The following PLXNC1 variants were observed in gnomAD, a reference collection of about 807,000 sequenced individuals.
The protein encoded by PLXNC1 is plexin-C1.
PLXNC1 carries 75 observed loss-of-function variants against 178.2 expected under a neutral mutation model. The observed-to-expected ratio is 0.42, with a 90% CI of 0.35 to 0.51. The LOEUF (loss-of-function observed/expected upper bound fraction) is 0.51. Ranked by LOEUF, PLXNC1 falls within the 20% of genes least tolerant of loss-of-function variation. The probability of loss-of-function intolerance (pLI) is 0.02; values close to 1 mark genes in which losing one functional copy is unlikely to be tolerated. For missense variants in PLXNC1, 1,503 were observed against 1,984.4 expected (o/e 0.76, Z 4.61); for synonymous variants, 790 against 779.9 (o/e 1.01, Z -0.22).
At chr12:94,266,953 G>A (rs1351917809) in intron 21 of PLXNC1, among the ~76,000 whole-genome samples, 1 of 152,202 alleles carries the variant, frequency 6.6e-6, no homozygotes, top group African/African-American at 2.4e-5. Context: ...GAGCCCAGGC[G>A]TGGATGTATT....
intron 1 of PLXNC1, among the ~76,000 whole-genome samples, chr12:94,167,753 G>T (rs948172220): frequency 2.6e-5 from 4 of 152,120 alleles, no homozygotes; most frequent in African/African-American, 4.8e-5. Flanking sequence ...AAGGGAAAAA[G>T]AAACTCTAAT....
At chr12:94,274,551 TGCCAAGGAAATAGGAAGAGGCAGG>T (rs879870668) in intron 21 of PLXNC1, among the ~76,000 whole-genome samples, 9 of 152,194 alleles carry the variant, frequency 5.9e-5, no homozygotes, top group Admixed American at 5.9e-4. Context: ...GACACTTTCC[TGCCAAGGAAATAGGAAGAGGCAGG>T]GCAGTCCCTC....
At chr12:94,169,323 T>C in intron 2 of PLXNC1, 30 bp downstream of exon 2, 3 of 1,593,744 alleles carry the variant, frequency 1.9e-6, no homozygotes, top group Non-Finnish European at 1.7e-6. Flanking sequence ...TTCAAATGTC[T>C]ATTTTAATGG....
intron 21 of PLXNC1, among the ~76,000 whole-genome samples, chr12:94,267,941 T>C (rs1255989230): frequency 6.6e-6 from 1 of 152,114 alleles, no homozygotes; most frequent in East Asian, 1.9e-4. Context: ...GTGGTTTATG[T>C]AATTGAAAAC....
rs138337903 is a variant in PLXNC1 at position 94,260,772 on chromosome 12, C to T, written c.3382C>T (p.Arg1128Cys). ...CATGCAGCCGAAACTCATGCTGAGA[C>T]GCACGGAGTCCGTCGTCGAAAAACT... is the stretch of plus-strand genomic sequence containing the variant. Reference protein sequence around the residue: ...SNMQPKLMLRRTESVVEKLLT... With the variant: ...SNMQPKLMLRCTESVVEKLLT... The change falls in exon 20 of 31, where the codon CGC becomes TGC. Residue 1128 changes from arginine to cysteine, a missense_variant. By Grantham distance (180) the Arg-to-Cys change is radical (BLOSUM62 -3). Transcript: ENST00000258526. The surrounding 1 kb of genome is among the most constrained non-coding windows in gnomAD (Gnocchi z 4.4). The T allele has an allele frequency of 1.2e-5, 20 of 1,614,160 alleles. No individual in the cohort carries two copies. The highest frequency in any genetic ancestry group is 4.4e-5 in the South Asian group (4 of 91,072).
At chr12:94,291,196 A>T (rs1967285463) in intron 23 of PLXNC1, among the ~76,000 whole-genome samples, 1 of 152,216 alleles carries the variant, frequency 6.6e-6, no homozygotes. Flanking sequence ...GCCTTTGTCA[A>T]ATGTATACAT....
At chr12:94,286,698 T>C (rs1395424918) in intron 23 of PLXNC1, among the ~76,000 whole-genome samples, 1 of 148,870 alleles carries the variant, frequency 6.7e-6, no homozygotes, top group Non-Finnish European at 1.5e-5. Flanking sequence ...CTCACCTCCC[T>C]CCAATTAGTC....
intron 14 of PLXNC1, among the ~76,000 whole-genome samples, 172 bp from the exon 15 acceptor site, chr12:94,251,254 G>T (rs758048296): frequency 3.7e-4 from 56 of 152,156 alleles, no homozygotes; most frequent in Non-Finnish European, 5.1e-4. Flanking sequence ...GAATATTCTG[G>T]ATTTGCCCAA....
In PLXNC1 at chr12:94,185,096, A is replaced by G. The variant is rs181751570; in HGVS notation, c.1339-1277A>G. On this transcript the variant is annotated intron_variant, in intron 3 of 30. Transcript: ENST00000258526. The stretch of plus-strand genomic sequence containing the variant: ...GAGGAAACAAGGTTAGAGAGATTGC[A>G]TGACACTTATTAAAATCCATCAGTG... Among the ~76,000 whole-genome samples the G allele has an allele frequency of 4.9e-3, 749 of 152,382 alleles. 5 individuals carry two copies. Among genetic ancestry groups the G allele is most frequent in the Non-Finnish European group, 7.3e-3 (495 of 68,028 alleles).
At chr12:94,191,958 C>A (rs1349632528) in intron 4 of PLXNC1, among the ~76,000 whole-genome samples, 1 of 152,076 alleles carries the variant, frequency 6.6e-6, no homozygotes, top group African/African-American at 2.4e-5. Flanking sequence ...TTCTCAGTTT[C>A]TCCCATATTG....
intron 1 of PLXNC1, chr12:94,168,260 G>A (rs1007513633): frequency 3.9e-5 from 6 of 152,174 alleles, no homozygotes; most frequent in Admixed American, 2.6e-4. Flanking sequence ...AGACGGCAAC[G>A]GCTCTTCCTA....
At chr12:94,264,931 G>A (rs952062622) in intron 20 of PLXNC1, 148 bp from the exon 21 acceptor site, 11 of 794,876 alleles carry the variant, frequency 1.4e-5, no homozygotes, top group Non-Finnish European at 2.3e-5. Flanking sequence ...AATCCCAAGT[G>A]GAGCAACGTG....
chr12:94,149,002 C>A lies in PLXNC1; in HGVS notation c.31C>A (p.Arg11Ser). The A allele has an allele frequency of 2.7e-6, 4 of 1,457,828 alleles. No homozygotes were observed. The highest frequency in any genetic ancestry group is 3.6e-6 in the Non-Finnish European group (4 of 1,112,974). The allele number at this position is 1,457,828 out of a possible 1,614,324, so 90.3% of individuals were successfully genotyped here. Residue 11 changes from arginine (R) to serine (S), a missense_variant, in exon 1 of 31, where the codon CGC becomes AGC. Physicochemically the swap from Arg to Ser is moderately radical, Grantham distance 110. Around this residue, in one of 4 missense-constraint regions of PLXNC1, gnomAD observed 176 missense variants for 180.7 expected, o/e 0.97. Coordinates refer to ENST00000258526, the MANE Select transcript of PLXNC1 (RefSeq NM_005761.3). MEVSRRKAPP[R>S]PPRPAAPLPL... Reference sequence around the variant, plus strand: ...GGTCTCCCGGAGGAAGGCGCCGCCGCGCCCCCCGCGCCCCGCAGCGCCACT... The same window carrying A: ...GGTCTCCCGGAGGAAGGCGCCGCCGAGCCCCCCGCGCCCCGCAGCGCCACT...
chr12:94,215,072 A>C (rs899122371), intron 5 of PLXNC1, among the ~76,000 whole-genome samples: 6 of 152,030 alleles, frequency 3.9e-5, no homozygotes, highest in African/African-American at 1.4e-4. Flanking sequence ...AATTTTTTAT[A>C]TTTTAAGTAG....
At position 94,220,204 on chromosome 12, in the gene PLXNC1, A is replaced by G. The variant is rs906470164; in HGVS notation, c.1702+41A>G. On this transcript the variant is annotated intron_variant, in intron 6 of 30. Coordinates refer to ENST00000258526, the MANE Select transcript of PLXNC1 (RefSeq NM_005761.3). ...TGGGTTATTTTTGTTATAAAATCAA[A>G]AAAACAAGGGAACCTCCTGAGTTTA... is the stretch of plus-strand genomic sequence containing the variant. The G allele has an allele frequency of 3.8e-6, 6 of 1,592,684 alleles. No individual in the cohort carries two copies. The African/African-American group carries it at 8.1e-5, about 22-fold the overall frequency.
At position 94,185,997 on chromosome 12, in the gene PLXNC1, G is replaced by T. The variant is rs111576104; in HGVS notation, c.1339-376G>T. On this transcript the variant is annotated intron_variant, in intron 3 of 30. Transcript: ENST00000258526. Reference sequence around the variant, plus strand: ...TGGCCAGACACAGTGGTGCACGCCTGCAACCTCAGCACTTTTGGGAGGAGT... The same window carrying T: ...TGGCCAGACACAGTGGTGCACGCCTTCAACCTCAGCACTTTTGGGAGGAGT... The T allele has an allele frequency of 2.2e-3, 437 of 197,460 alleles. 4 individuals carry two copies. Among genetic ancestry groups the T allele is most frequent in the African/African-American group, 9.5e-3 (415 of 43,810 alleles). 12.2% of individuals were successfully genotyped at this position (197,460 alleles called of 1,614,324 possible).
At chr12:94,212,805 C>T (rs1437046600) in intron 5 of PLXNC1, among the ~76,000 whole-genome samples, 16 of 151,174 alleles carry the variant, frequency 1.1e-4, no homozygotes, top group South Asian at 4.2e-4. Flanking sequence ...CTGCAAGCTC[C>T]GCCTCCCAGG....
chr12:94,208,746 C>T (rs1323895463), intron 4 of PLXNC1, among the ~76,000 whole-genome samples: 1 of 152,200 alleles, frequency 6.6e-6, no homozygotes, highest in Admixed American at 6.5e-5. Context: ...TTGGCGATAA[C>T]GTGCTGTTGG....
chr12:94,258,491 A>G (rs904436053), intron 17 of PLXNC1, among the ~76,000 whole-genome samples: 3 of 152,250 alleles, frequency 2.0e-5, no homozygotes, highest in African/African-American at 7.2e-5. Context: ...TTTTGAGTTT[A>G]GAGTCTCATT....
Sources: allele counts gnomAD v4.1 joint callset (sites outside exome capture counted in the v4.1 genomes callset), GRCh38; gene constraint gnomAD v4.1.1; regional missense constraint gnomAD v4.1.1; non-coding constraint Gnocchi (gnomAD v3.1); transcripts MANE v1.5; gene names NCBI Gene and HGNC (gene_info 2026-07-23, HGNC 2026-07-21).